The following TMEM87A variants were observed in gnomAD, a reference collection of about 807,000 sequenced individuals.
The protein encoded by TMEM87A is Golgi-pH regulating cation channel.
TMEM87A carries 50 observed loss-of-function variants against 90.0 expected under a neutral mutation model. The ratio of observed to expected loss-of-function variants is 0.56; its 90% CI spans 0.44 to 0.70. TMEM87A has a LOEUF of 0.70. TMEM87A is among the 30% of genes least tolerant of loss of function. TMEM87A has a pLI of 0.00. For synonymous variants in TMEM87A, 226 were observed against 226.7 expected, an observed-to-expected ratio of 1.00 and a Z score of 0.03; for missense variants, 577 against 660.5, an observed-to-expected ratio of 0.87 and a Z score of 1.39.
At chr15:42,258,528 G>A (rs750166485) in intron 6 of TMEM87A, 25 of 348,580 alleles carry the variant, frequency 7.2e-5, no homozygotes, top group Non-Finnish European at 9.0e-5. Context: ...CCAAGTTCAC[G>A]CGATTCTCCT....
intron 10 of TMEM87A, among the ~76,000 whole-genome samples, chr15:42,235,728 C>T (rs2050757787): frequency 6.6e-6 from 1 of 152,184 alleles, no homozygotes; most frequent in African/African-American, 2.4e-5. Context: ...CCTCCTTGAT[C>T]ACCCTATGTA....
intron 19 of TMEM87A, among the ~76,000 whole-genome samples, chr15:42,212,394 C>G (rs1043966661): frequency 6.6e-6 from 1 of 152,102 alleles, no homozygotes; most frequent in African/African-American, 2.4e-5. Flanking sequence ...ACTACAAATC[C>G]TTTTTGAATA....
chr15:42,250,794 G>A (rs1416352038), intron 6 of TMEM87A, among the ~76,000 whole-genome samples: 3 of 152,128 alleles, frequency 2.0e-5, no homozygotes, highest in African/African-American at 7.2e-5. Context: ...TACCTTGCTA[G>A]GTGGGGGAAG....
chr15:42,264,699 A>ATATATATATTTTTT (rs10681614), intron 3 of TMEM87A, among the ~76,000 whole-genome samples: 7,879 of 109,242 alleles, frequency 0.072, 457 homozygotes, highest in Non-Finnish European at 0.099. Flanking sequence ...ATATATATAT[A>ATATATATATTTTTT]TTTTTTTTTT....
In TMEM87A at chr15:42,211,206, C is replaced by G. The variant is rs2050280049; in HGVS notation, c.*502G>C. 1 of 147,610 alleles carries G rather than the reference C, an allele frequency of 6.8e-6. No individual in the cohort carries two copies. Among genetic ancestry groups the G allele is most frequent in the African/African-American group, 2.5e-5 (1 of 39,864 alleles). 9.1% of individuals were successfully genotyped at this position (147,610 alleles called of 1,614,324 possible). A position where few individuals can be genotyped will look rare whatever the true frequency, so the allele number is the denominator to read the frequency against. On this transcript the variant is annotated 3_prime_UTR_variant, in exon 20 of 20. Transcript: ENST00000389834. ...TTAACTCAGAAGGGCCCTTTTTTCT[C>G]AAAACAACCTCTGCAAGATGTAACC...
At chr15:42,231,995 G>T in intron 11 of TMEM87A, 1 of 729,964 alleles carries the variant, frequency 1.4e-6, no homozygotes, top group Non-Finnish European at 1.8e-6. Flanking sequence ...TACATACAGA[G>T]GACAGTGTGA....
At chr15:42,251,692 A>T (rs1360618311) in intron 6 of TMEM87A, among the ~76,000 whole-genome samples, 3 of 152,196 alleles carry the variant, frequency 2.0e-5, no homozygotes, top group African/African-American at 7.2e-5. Flanking sequence ...CAGTTAGGCT[A>T]CATGGGGGTC....
intron 8 of TMEM87A, among the ~76,000 whole-genome samples, chr15:42,237,909 CATTA>C (rs1256661775): frequency 1.3e-5 from 2 of 152,078 alleles, no homozygotes; most frequent in Non-Finnish European, 2.9e-5. Flanking sequence ...TGGAGCTTAA[CATTA>C]ACTAATATGA....
chr15:42,231,196 C>G lies in TMEM87A; in HGVS notation c.1127G>C (p.Trp376Ser). ...PLAFLDTALC[W>S]WIFISLTQTM... is the part of the protein sequence containing the mutation. The stretch of plus-strand genomic sequence containing the variant: ...ACAAGCCAATGAGAAGGATATCCAC[C>G]AGCACAAGGCAGTGTCTAGGAAAGC... The change falls in exon 12 of 20, where the codon TGG becomes TCG. Residue 376 changes from tryptophan to serine, a missense_variant. Transcript: ENST00000389834. The G allele has an allele frequency of 6.2e-7, 1 of 1,602,158 alleles. No individual in the cohort carries two copies. The highest frequency in any genetic ancestry group is 8.5e-7 in the Non-Finnish European group (1 of 1,175,344).
intron 6 of TMEM87A, 41 bp downstream of exon 6, chr15:42,260,917 A>G: frequency 3.2e-6 from 5 of 1,580,766 alleles, no homozygotes; most frequent in Non-Finnish European, 4.3e-6. Context: ...TAAGAAAACT[A>G]AAATATGTGT....
chr15:42,231,988 A>G (rs1224172517), intron 11 of TMEM87A: 1 of 827,692 alleles, frequency 1.2e-6, no homozygotes, highest in Non-Finnish European at 1.7e-6. Context: ...AGAGAATTAC[A>G]TACAGAGGAC....
intron 6 of TMEM87A, among the ~76,000 whole-genome samples, chr15:42,248,293 G>T (rs915205807): frequency 2.6e-5 from 4 of 152,078 alleles, no homozygotes; most frequent in African/African-American, 9.7e-5. Context: ...TTGCCTGACT[G>T]CCCTGGCCAT....
chr15:42,231,478 A>C (rs764187254), intron 11 of TMEM87A, among the ~76,000 whole-genome samples: 21 of 152,236 alleles, frequency 1.4e-4, no homozygotes, highest in Non-Finnish European at 2.4e-4. Context: ...TGTCATTTAC[A>C]ATCTCGAAAC....
chr15:42,265,697 A>C (rs2140987016), intron 3 of TMEM87A, among the ~76,000 whole-genome samples: 1 of 152,060 alleles, frequency 6.6e-6, no homozygotes, highest in East Asian at 1.9e-4. Flanking sequence ...AAGCTCTTAA[A>C]CTTAATTAGA....
chr15:42,244,109 A>G lies in TMEM87A; in HGVS notation c.563T>C (p.Ile188Thr), dbSNP rs780440345. The G allele has an allele frequency of 4.2e-5, 66 of 1,581,708 alleles. No individual in the cohort carries two copies. The highest frequency in any genetic ancestry group is 4.8e-5 in the Non-Finnish European group (56 of 1,169,948). The stretch of plus-strand genomic sequence containing the variant: ...TGATTCCTTTGAGGATGAAATGCCA[A>G]TATGTACAATAAAAATGTATGGTGC... ...QDAPYIFIVHIGISSSKESSK... is the reference protein window; with the variant it reads ...QDAPYIFIVHTGISSSKESSK... Residue 188 changes from isoleucine to threonine, a missense_variant, in exon 7 of 20, where the codon ATT becomes ACT. Coordinates refer to ENST00000389834, the MANE Select transcript of TMEM87A (RefSeq NM_015497.5).
chr15:42,234,336 G>T (rs1372462649), intron 10 of TMEM87A, among the ~76,000 whole-genome samples: 1 of 152,204 alleles, frequency 6.6e-6, no homozygotes, highest in African/African-American at 2.4e-5. Flanking sequence ...CCTTAGTGTA[G>T]TGTAGTTTAA....
Position 42,227,732 on chromosome 15 carries a change from G to A in TMEM87A, c.1278C>T (p.Phe426=), listed in dbSNP as rs1313498771. The A allele has an allele frequency of 1.2e-6, 2 of 1,613,880 alleles. No homozygotes were observed. The highest frequency in any genetic ancestry group is 4.5e-5 in the East Asian group (2 of 44,856). Reference sequence around the variant, plus strand: ...TCACCGACTGACATGTCACTATTCTGAACTTCATGGTTGTCCAGATGATAA... The same window carrying A: ...TCACCGACTGACATGTCACTATTCTAAACTTCATGGTTGTCCAGATGATAA... The part of the protein sequence containing the change: ...IVFIIWTTMK[F]RIVTCQSDWR... Residue 426 remains phenylalanine, a synonymous_variant, in exon 14 of 20, where the codon TTC becomes TTT. Coordinates refer to ENST00000389834, the MANE Select transcript of TMEM87A (RefSeq NM_015497.5).
At chr15:42,242,273 A>G (rs748097167) in intron 7 of TMEM87A, among the ~76,000 whole-genome samples, 1 of 152,088 alleles carries the variant, frequency 6.6e-6, no homozygotes, top group Non-Finnish European at 1.5e-5. Context: ...TTGGAAGTAC[A>G]CTACCAATGT....
chr15:42,239,720 C>A lies in TMEM87A; in HGVS notation c.634G>T (p.Val212Leu), dbSNP rs1349632476. ...LSNLFTMTVEVKGPYEYLTLE... is the reference protein window; with the variant it reads ...LSNLFTMTVELKGPYEYLTLE... ...GTGAGGTATTCATAGGGACCCTTCACTTCAACAGTCACTGCCAAAACAGAG... is the reference window on the plus strand; with the variant it reads ...GTGAGGTATTCATAGGGACCCTTCAATTCAACAGTCACTGCCAAAACAGAG... Residue 212 changes from valine to leucine, a missense_variant, in exon 8 of 20, where the codon GTG becomes TTG. Physicochemically the swap from Val to Leu is conservative, Grantham distance 32 (BLOSUM62 1). Transcript: ENST00000389834. The A allele has an allele frequency of 6.2e-7, 1 of 1,613,712 alleles. No homozygotes were observed. Among genetic ancestry groups the A allele is most frequent in the Non-Finnish European group, 8.5e-7 (1 of 1,179,736 alleles).
Sources: allele counts gnomAD v4.1 joint callset (sites outside exome capture counted in the v4.1 genomes callset), GRCh38; gene constraint gnomAD v4.1.1; transcripts MANE v1.5; gene names NCBI Gene and HGNC (gene_info 2026-07-23, HGNC 2026-07-21).